Variants in GALNT10 observed in about 807,000 individuals in gnomAD.
GALNT10 encodes polypeptide N-acetylgalactosaminyltransferase 10.
GALNT10 carries 41 observed loss-of-function variants against 75.0 expected under a neutral mutation model. That is an observed-to-expected ratio of 0.55 (90% CI 0.43 to 0.71). GALNT10 has a LOEUF of 0.71. GALNT10 is among the 30% of genes least tolerant of loss of function. The pLI is 0.00. For missense variants in GALNT10, 727 were observed against 818.5 expected (o/e 0.89, Z 1.36); for synonymous variants, 302 against 313.0 (o/e 0.96, Z 0.37).
chr5:154,273,910 C>T (rs751145409), intron 1 of GALNT10, among the ~76,000 whole-genome samples: 23 of 152,278 alleles, frequency 1.5e-4, no homozygotes, highest in Non-Finnish European at 2.2e-4. Context: ...CCCCTCTTGC[C>T]GGGCTCCCCC....
chr5:154,236,436 T>C (rs911894951), intron 1 of GALNT10, among the ~76,000 whole-genome samples: 5 of 152,254 alleles, frequency 3.3e-5, no homozygotes, highest in African/African-American at 1.2e-4. Flanking sequence ...TCATTGCACA[T>C]TAAACACATT....
At chr5:154,305,878 C>T (rs1443820898) in intron 3 of GALNT10, among the ~76,000 whole-genome samples, 1 of 152,038 alleles carries the variant, frequency 6.6e-6, no homozygotes, top group Non-Finnish European at 1.5e-5. Flanking sequence ...ATTAGCCAGG[C>T]ATGGTGGCAC....
chr5:154,263,195 A>G (rs1753726558), intron 1 of GALNT10, among the ~76,000 whole-genome samples: 1 of 152,218 alleles, frequency 6.6e-6, no homozygotes, highest in South Asian at 2.1e-4. Flanking sequence ...AAACTTGTAC[A>G]TGAGTGTTTA....
chr5:154,200,315 G>A (rs940249101), intron 1 of GALNT10, among the ~76,000 whole-genome samples: 1 of 152,170 alleles, frequency 6.6e-6, no homozygotes, highest in African/African-American at 2.4e-5. Context: ...GTGTGTGTTT[G>A]TGTAGGTCTC....
intron 1 of GALNT10, among the ~76,000 whole-genome samples, chr5:154,255,752 T>C (rs2034581): frequency 0.65 from 98,607 of 151,088 alleles, 32,526 homozygotes; most frequent in East Asian, 0.86. Flanking sequence ...GCAAAGGGCA[T>C]TAAAATGAGA....
chr5:154,206,204 A>G (rs1335318284), intron 1 of GALNT10, among the ~76,000 whole-genome samples: 1 of 152,366 alleles, frequency 6.6e-6, no homozygotes, highest in South Asian at 2.1e-4. Flanking sequence ...GCACATATAT[A>G]TTCTTTAACT....
chr5:154,322,897 G>A (rs770614970), intron 3 of GALNT10, among the ~76,000 whole-genome samples: 1 of 152,176 alleles, frequency 6.6e-6, no homozygotes, highest in Non-Finnish European at 1.5e-5. Context: ...TAAAAAGACT[G>A]AAGTTGAACT....
chr5:154,208,664 A>G (rs1396235918), intron 1 of GALNT10, among the ~76,000 whole-genome samples: 1 of 152,200 alleles, frequency 6.6e-6, no homozygotes, highest in Non-Finnish European at 1.5e-5. Flanking sequence ...AACCCTGTGT[A>G]TTAGGCATAT....
chr5:154,228,947 G>A (rs1290146129), intron 1 of GALNT10, among the ~76,000 whole-genome samples: 2 of 152,196 alleles, frequency 1.3e-5, no homozygotes, highest in Non-Finnish European at 1.5e-5. Context: ...TTAAAAATGT[G>A]ATTTTGCTTT....
chr5:154,248,206 G>A (rs1407495835), intron 1 of GALNT10, among the ~76,000 whole-genome samples: 2 of 152,134 alleles, frequency 1.3e-5, no homozygotes, highest in African/African-American at 4.8e-5. Flanking sequence ...TGCTGGATTC[G>A]GTTTGCCAGT....
chr5:154,209,695 A>G (rs555209025), intron 1 of GALNT10, among the ~76,000 whole-genome samples: 2 of 152,328 alleles, frequency 1.3e-5, no homozygotes, highest in South Asian at 4.1e-4. Flanking sequence ...CTCCACCTTC[A>G]TGACCTAATT....
Position 154,419,872 on chromosome 5 carries a change from T to G in GALNT10, c.*2900T>G, listed in dbSNP as rs1047209118. ...GACAGCCAGGTAATGGGTGAGACTG[T>G]GGGGTCCCTTTTCCTCTAAAGCCTT... On this transcript the variant is annotated 3_prime_UTR_variant, in exon 12 of 12. Transcript: ENST00000297107. The G allele has an allele frequency of 6.6e-6, 1 of 152,246 alleles. No individual in the cohort carries two copies. The highest frequency in any genetic ancestry group is 2.4e-5 in the African/African-American group (1 of 41,458). The allele number at this position is 152,246 out of a possible 1,614,324, so 9.4% of individuals were successfully genotyped here.
At chr5:154,257,369 G>A (rs1052492558) in intron 1 of GALNT10, among the ~76,000 whole-genome samples, 3 of 152,200 alleles carry the variant, frequency 2.0e-5, no homozygotes, top group Non-Finnish European at 4.4e-5. Context: ...GGATCTTAAA[G>A]TTGAGTTTTA....
intron 4 of GALNT10, among the ~76,000 whole-genome samples, chr5:154,355,787 G>A (rs1007101257): frequency 2.0e-5 from 3 of 152,208 alleles, no homozygotes; most frequent in African/African-American, 7.2e-5. Flanking sequence ...TCCATCATTT[G>A]CACTCTCACT....
chr5:154,414,009 A>G (rs11167676), intron 10 of GALNT10, among the ~76,000 whole-genome samples: 53,430 of 152,090 alleles, frequency 0.35, 10,077 homozygotes, highest in East Asian at 0.69. Context: ...ACCAAAAAAA[A>G]TATATGAATG....
chr5:154,199,434 G>A (rs1774991622), intron 1 of GALNT10, among the ~76,000 whole-genome samples: 3 of 152,258 alleles, frequency 2.0e-5, no homozygotes, highest in Admixed American at 2.0e-4. Flanking sequence ...AGCTTCCCAA[G>A]TTGTCAATCA....
chr5:154,265,945 A>G (rs899225955), intron 1 of GALNT10, among the ~76,000 whole-genome samples: 3 of 152,154 alleles, frequency 2.0e-5, no homozygotes, highest in Non-Finnish European at 4.4e-5. Flanking sequence ...CTCTCATCAG[A>G]AAAGAAATTT....
intron 1 of GALNT10, among the ~76,000 whole-genome samples, chr5:154,241,012 C>T (rs1001296605): frequency 1.3e-5 from 2 of 152,214 alleles, no homozygotes; most frequent in African/African-American, 4.8e-5. Flanking sequence ...AGCTTAAATG[C>T]TCAGTAAATG....
chr5:154,200,058 C>G (rs1775002733), intron 1 of GALNT10, among the ~76,000 whole-genome samples: 1 of 152,172 alleles, frequency 6.6e-6, no homozygotes, highest in Non-Finnish European at 1.5e-5. Flanking sequence ...TCTGCGCCAG[C>G]CACTGACTGG....
Sources: gnomAD v4.1 joint callset for allele counts (sites outside exome capture counted in the v4.1 genomes callset) on GRCh38, gnomAD v4.1.1 for gene constraint, MANE v1.5 for transcripts, NCBI Gene and HGNC (gene_info 2026-07-23, HGNC 2026-07-21) for gene names.